CANX: variants seen among roughly 807,000 people sequenced by gnomAD.
CANX encodes calnexin.
A neutral mutation model predicts 75.7 loss-of-function variants in CANX; 14 were observed. The observed-to-expected ratio is 0.19, with a 90% CI of 0.12 to 0.29. The LOEUF (loss-of-function observed/expected upper bound fraction) is 0.29. CANX is among the 10% of genes least tolerant of loss of function. The probability of loss-of-function intolerance (pLI) is 1.00; values close to 1 mark genes in which losing one functional copy is unlikely to be tolerated. For missense variants in CANX, 567 were observed against 713.2 expected (o/e 0.79, Z 2.34); for synonymous variants, 227 against 236.9 (o/e 0.96, Z 0.38).
chr5:179,717,157 C>T (rs553320463), intron 8 of CANX, among the ~76,000 whole-genome samples: 1 of 152,240 alleles, frequency 6.6e-6, no homozygotes, highest in East Asian at 1.9e-4. Flanking sequence ...TGTAAAATAT[C>T]CTCCTATGCT....
chr5:179,722,758 G>T (rs1433248056), intron 10 of CANX, 46 bp from the exon 11 acceptor site: 1 of 1,374,280 alleles, frequency 7.3e-7, no homozygotes, highest in Non-Finnish European at 1.0e-6. Flanking sequence ...ATAAACTTTT[G>T]TTGATCATTA....
chr5:179,721,865 G>A (rs944030973), intron 10 of CANX, among the ~76,000 whole-genome samples: 1 of 151,952 alleles, frequency 6.6e-6, no homozygotes, highest in Non-Finnish European at 1.5e-5. Flanking sequence ...GTCTGATACT[G>A]TGAAAACATT....
intron 1 of CANX, among the ~76,000 whole-genome samples, chr5:179,687,071 C>A (rs138757920): frequency 1.2e-4 from 18 of 152,138 alleles, no homozygotes; most frequent in African/African-American, 4.1e-4. Context: ...GCCACTGCAC[C>A]CGGCCTGCAG....
intron 7 of CANX, among the ~76,000 whole-genome samples, chr5:179,714,411 A>G (rs1777785085): frequency 6.6e-6 from 1 of 152,260 alleles, no homozygotes; most frequent in Non-Finnish European, 1.5e-5. Flanking sequence ...CAAAGAAGTC[A>G]CTTAAAATTA....
chr5:179,724,809 G>C (rs767298032), intron 13 of CANX, 26 bp downstream of exon 13: 1 of 1,588,070 alleles, frequency 6.3e-7, no homozygotes, highest in Non-Finnish European at 8.6e-7. Context: ...CAGAAAATCT[G>C]CTTTAAGCCA....
At chr5:179,725,394 ATTGTTG>A (rs1778581014) in intron 13 of CANX, among the ~76,000 whole-genome samples, 1 of 151,116 alleles carries the variant, frequency 6.6e-6, no homozygotes, top group Admixed American at 6.6e-5. Context: ...TTAAAAAAAA[ATTGTTG>A]GCCAGGTGCG....
chr5:179,721,552 T>C (rs796910974), intron 10 of CANX, among the ~76,000 whole-genome samples: 6 of 152,258 alleles, frequency 3.9e-5, no homozygotes, highest in African/African-American at 1.4e-4. Context: ...AGGACTGTGG[T>C]TTGAGTCAGC....
At chr5:179,710,103 C>A in intron 7 of CANX, 38 bp downstream of exon 7, 1 of 1,156,356 alleles carries the variant, frequency 8.6e-7, no homozygotes. Context: ...TATGGTATTA[C>A]ATATATATCA....
chr5:179,728,634 G>A lies in CANX; in HGVS notation c.1769G>A (p.Arg590Gln), dbSNP rs1414545674. ...LNRSPRNRKP[R>Q]RE ...AGATCACCAAGAAACAGAAAGCCAC[G>A]AAGAGAGTGAAACAATCTTAAGAGC... Residue 590 changes from arginine (R) to glutamine (Q), a missense_variant, in exon 15 of 15, where the codon CGA becomes CAA. Physicochemically the swap from Arg to Gln is conservative, Grantham distance 43. Around this residue, in one of 3 missense-constraint regions of CANX, gnomAD observed 167 missense variants for 179.3 expected, o/e 0.93. Transcript: ENST00000247461. 5.0e-6 allele frequency: 8 copies of A among 1,607,612 alleles called. No homozygotes were observed. Among genetic ancestry groups the A allele is most frequent in the Middle Eastern group, 1.6e-4 (1 of 6,068 alleles).
At chr5:179,679,958 CTTTTTTTTTTT>C (rs34916199) in intron 1 of CANX, among the ~76,000 whole-genome samples, 5 of 59,348 alleles carry the variant, frequency 8.4e-5, no homozygotes, top group Admixed American at 2.2e-4. Context: ...TGCGCCTGGC[CTTTTTTTTTTT>C]TTTTTTTTTT....
chr5:179,685,719 T>G (rs1050232436), intron 1 of CANX, among the ~76,000 whole-genome samples: 1 of 129,752 alleles, frequency 7.7e-6, no homozygotes. Flanking sequence ...CACGCCCAGC[T>G]AATTTTTGTA....
intron 1 of CANX, among the ~76,000 whole-genome samples, chr5:179,688,138 A>G (rs1776223207): frequency 6.8e-6 from 1 of 147,486 alleles, no homozygotes; most frequent in African/African-American, 2.5e-5. Context: ...GCTCACTGCA[A>G]CCTCCACCTC....
chr5:179,694,416 G>C (rs1776354267), upstream of CANX: 3 of 632,080 alleles, frequency 4.7e-6, no homozygotes, highest in Admixed American at 5.0e-5. Context: ...GGAAATGAAG[G>C]GACCAGCTAA....
At chr5:179,725,546 G>T (rs1778596223) in intron 13 of CANX, among the ~76,000 whole-genome samples, 1 of 151,782 alleles carries the variant, frequency 6.6e-6, no homozygotes, top group Non-Finnish European at 1.5e-5. Flanking sequence ...CGGGCATGGT[G>T]GCAGGTGCCT....
At chr5:179,689,532 C>T (rs1171946459) in intron 1 of CANX, among the ~76,000 whole-genome samples, 4 of 151,784 alleles carry the variant, frequency 2.6e-5, no homozygotes, top group East Asian at 3.9e-4. Context: ...GGATTATAGG[C>T]GTCCGCCACA....
chr5:179,686,478 CTTG>C (rs965237743), intron 1 of CANX, among the ~76,000 whole-genome samples: 4 of 150,244 alleles, frequency 2.7e-5, no homozygotes, highest in Non-Finnish European at 4.4e-5. Context: ...TGCAGTTTTT[CTTG>C]TTGTTATTTT....
intron 3 of CANX, among the ~76,000 whole-genome samples, 157 bp from the exon 4 acceptor site, chr5:179,706,975 G>A (rs1055651486): frequency 2.6e-5 from 4 of 152,180 alleles, no homozygotes; most frequent in African/African-American, 9.7e-5. Context: ...TGAAGATAAT[G>A]TATTATCATT....
At chr5:179,678,813 A>G in intron 1 of CANX, 1 of 1,536,842 alleles carries the variant, frequency 6.5e-7, no homozygotes, top group African/African-American at 1.4e-5. Flanking sequence ...TGGCTTTTGG[A>G]CCGCTGCACC....
At chr5:179,679,052 G>T in intron 1 of CANX, 1 of 1,534,678 alleles carries the variant, frequency 6.5e-7, no homozygotes, top group Non-Finnish European at 8.7e-7. Flanking sequence ...TGGCGAGAAG[G>T]GCCGCGAGAT....
Sources: gnomAD v4.1 joint callset for allele counts (sites outside exome capture counted in the v4.1 genomes callset) on GRCh38, gnomAD v4.1.1 for gene constraint, gnomAD v4.1.1 regional missense constraint, MANE v1.5 for transcripts, NCBI Gene and HGNC (gene_info 2026-07-23, HGNC 2026-07-21) for gene names.